The following TIPIN variants were observed in gnomAD, a reference collection of about 807,000 sequenced individuals.
TIPIN encodes the protein TIMELESS interacting protein, also known as TIMELESS-interacting protein.
A neutral mutation model predicts 35.6 loss-of-function variants in TIPIN; 29 were observed. The ratio of observed to expected loss-of-function variants is 0.82; its 90% CI spans 0.61 to 1.11. TIPIN has a LOEUF of 1.11. Among genes scored for constraint, TIPIN ranks in the 50% most tolerant of loss-of-function variants. The pLI, the probability that TIPIN is intolerant of heterozygous loss-of-function variation, is 0.00. For missense variants in TIPIN, 296 were observed against 345.4 expected, an observed-to-expected ratio of 0.86 and a Z score of 1.13; for synonymous variants, 102 against 121.5, an observed-to-expected ratio of 0.84 and a Z score of 1.06.
chr15:66,368,782 G>A (rs1047847172), intron 1 of TIPIN, among the ~76,000 whole-genome samples: 4 of 152,060 alleles, frequency 2.6e-5, no homozygotes, highest in Non-Finnish European at 4.4e-5. Context: ...TAATCAAGAC[G>A]TTTAATTAGA....
At chr15:66,358,275 AT>A (rs1011974905), upstream of TIPIN, among the ~76,000 whole-genome samples, 7 of 152,120 alleles carry the variant, frequency 4.6e-5, no homozygotes, top group South Asian at 2.1e-4. Context: ...CTTAACTATA[AT>A]TTTTTTTGAA....
At chr15:66,380,542 C>G (rs910816097) in intron 1 of TIPIN, among the ~76,000 whole-genome samples, 1 of 151,908 alleles carries the variant, frequency 6.6e-6, no homozygotes, top group African/African-American at 2.4e-5. Flanking sequence ...GGGCCAGGCG[C>G]GGTGGCTCAT....
chr15:66,386,315 T>TA (rs553028971), intron 1 of TIPIN: 15,036 of 142,432 alleles, frequency 0.11, 908 homozygotes, highest in Non-Finnish European at 0.14. Flanking sequence ...TTCCCAAGTC[T>TA]AAAAAAAAAA....
exon 1 of TIPIN, chr15:66,386,625 G>C (rs2140510090): frequency 5.8e-6 from 1 of 171,094 alleles, no homozygotes; most frequent in Non-Finnish European, 1.3e-5. Flanking sequence ...TGGAGGCCGC[G>C]CGGCACCTGG....
intron 3 of TIPIN, 96 bp downstream of exon 3, chr15:66,352,033 T>C (rs2093171616): frequency 3.0e-6 from 3 of 1,014,326 alleles, no homozygotes; most frequent in Non-Finnish European, 4.3e-6. Flanking sequence ...ATATAAGAGC[T>C]CCACATCATA....
rs188111437 is a variant in TIPIN, at chr15:66,368,071, A to T, written c.-8-15116T>A. ...CTGGTCTCGAACCCCTGACCTTGTG[A>T]TCTGCCTGCCTCGGCTTCCCAAAGT... On this transcript the variant is annotated intron_variant, in intron 1 of 7. Transcript: ENST00000562124. 8.0e-4 allele frequency among the ~76,000 whole-genome samples: 121 copies of T among 152,034 alleles called. No homozygotes were observed. In the Middle Eastern group the frequency reaches 0.02, roughly 26 times the overall value.
chr15:66,377,037 G>A (rs1411290798), intron 1 of TIPIN, among the ~76,000 whole-genome samples: 1 of 150,350 alleles, frequency 6.7e-6, no homozygotes, highest in African/African-American at 2.4e-5. Context: ...GAACCCGTGA[G>A]GTGGAGGTTG....
In TIPIN at chr15:66,352,955, T is replaced by C; in HGVS notation, c.-8A>G. The C allele has an allele frequency of 6.2e-7, 1 of 1,609,620 alleles. No individual in the cohort carries two copies. Among genetic ancestry groups the C allele is most frequent in the Non-Finnish European group, 8.5e-7 (1 of 1,178,082 alleles). On this transcript the variant is annotated splice_region_variant and 5_prime_UTR_variant, in exon 2 of 8. Coordinates refer to ENST00000261881, the MANE Select transcript of TIPIN (RefSeq NM_017858.3). ...CTCCTGTGGTTCTAGCATCTTTTCC[T>C]CTAGGGGAAAAAATTAAAGTTATTT...
chr15:66,356,740 T>C (rs1450800232), upstream of TIPIN: 3 of 985,276 alleles, frequency 3.0e-6, no homozygotes, highest in African/African-American at 1.7e-5. Flanking sequence ...GCCCGCAGCG[T>C]TTGGCGCCAA....
chr15:66,352,845 G>T lies in TIPIN; in HGVS notation c.103C>A (p.Gln35Lys), dbSNP rs375749313. 1.3e-5 allele frequency: 21 copies of T among 1,613,108 alleles called. No individual in the cohort carries two copies. The Admixed American group carries it at 3.3e-4, about 26-fold the overall frequency. ...PFPPPASPERQDGEGTEPDEE... is the reference protein window; with the variant it reads ...PFPPPASPERKDGEGTEPDEE... ...TCAGGCTCAGTTCCTTCACCATCTTGTCTCTCTGGAGAGGCTGGAGGTGGG... is the reference window on the plus strand; with the variant it reads ...TCAGGCTCAGTTCCTTCACCATCTTTTCTCTCTGGAGAGGCTGGAGGTGGG... The change falls in exon 2 of 8, where the codon CAA (glutamine) becomes AAA (lysine). Residue 35 changes from glutamine (Q) to lysine (K), a missense_variant. Gln to Lys is a moderately conservative substitution (Grantham distance 53). Coordinates refer to ENST00000261881, the MANE Select transcript of TIPIN (RefSeq NM_017858.3).
At chr15:66,381,152 T>C (rs1018175078) in intron 1 of TIPIN, among the ~76,000 whole-genome samples, 1 of 152,034 alleles carries the variant, frequency 6.6e-6, no homozygotes, top group Non-Finnish European at 1.5e-5. Context: ...TTATTCTCCT[T>C]CGGCCGGGCA....
chr15:66,344,853 T>A (rs1384964063), intron 6 of TIPIN, among the ~76,000 whole-genome samples: 1 of 152,136 alleles, frequency 6.6e-6, no homozygotes, highest in Admixed American at 6.6e-5. Context: ...GGCAACAGAG[T>A]GAGGCCCTGC....
At chr15:66,378,495 T>A (rs2140498883) in intron 1 of TIPIN, among the ~76,000 whole-genome samples, 1 of 152,320 alleles carries the variant, frequency 6.6e-6, no homozygotes, top group Middle Eastern at 3.4e-3. Context: ...ATTGTAAATG[T>A]TTATTTTCTC....
At chr15:66,349,786 G>A (rs982119462) in intron 4 of TIPIN, among the ~76,000 whole-genome samples, 2 of 151,992 alleles carry the variant, frequency 1.3e-5, no homozygotes, top group African/African-American at 4.8e-5. Context: ...TGGCTGAGGT[G>A]AAAGGACTCC....
chr15:66,343,281 C>T (rs1285842432), intron 6 of TIPIN, among the ~76,000 whole-genome samples: 2 of 152,202 alleles, frequency 1.3e-5, no homozygotes, highest in South Asian at 2.1e-4. Flanking sequence ...CTTCTATCTA[C>T]ATCATCCATA....
chr15:66,380,737 C>A (rs551026773), intron 1 of TIPIN, among the ~76,000 whole-genome samples: 11 of 152,180 alleles, frequency 7.2e-5, no homozygotes, highest in African/African-American at 1.2e-4. Flanking sequence ...ATTGCTTGAA[C>A]CTGGGAGGCG....
intron 6 of TIPIN, chr15:66,347,374 C>T (rs2093134074): frequency 2.2e-6 from 1 of 461,416 alleles, no homozygotes; most frequent in Non-Finnish European, 4.4e-6. Context: ...TATCCGAGAG[C>T]TGCGCTCCAA....
At position 66,349,346 on chromosome 15, in the gene TIPIN, ACT is replaced by A. The variant is rs762796131; in HGVS notation, c.378_379del (p.Arg126SerfsTer2). ...TTCCTTTTTACTTCCCAGGTATTCA[ACT>A]CTGTCAATAAAATCCTCAAACTGCA... On this transcript the variant is annotated frameshift_variant, in exon 5 of 8. Coordinates refer to ENST00000261881, the MANE Select transcript of TIPIN (RefSeq NM_017858.3). LOFTEE classifies it high-confidence loss of function. 6.2e-7 allele frequency: 1 copy of A among 1,613,938 alleles called. No homozygotes were observed. The highest frequency in any genetic ancestry group is 8.5e-7 in the Non-Finnish European group (1 of 1,180,010).
At chr15:66,378,464 G>T (rs889413835) in intron 1 of TIPIN, among the ~76,000 whole-genome samples, 3 of 152,120 alleles carry the variant, frequency 2.0e-5, no homozygotes, top group Non-Finnish European at 4.4e-5. Flanking sequence ...AAAGAAATTA[G>T]ACTTTTATTA....
Sources: allele counts gnomAD v4.1 joint callset (sites outside exome capture counted in the v4.1 genomes callset), GRCh38; gene constraint gnomAD v4.1.1; transcripts MANE v1.5; gene names NCBI Gene and HGNC (gene_info 2026-07-23, HGNC 2026-07-21).